The following DAW1 variants were observed in gnomAD, a reference collection of about 807,000 sequenced individuals.
DAW1 encodes the protein dynein assembly factor with WD repeat domains 1.
Under a neutral mutation model 56.5 loss-of-function variants are expected in DAW1, and 47 were observed. The ratio of observed to expected loss-of-function variants is 0.83; its 90% CI spans 0.66 to 1.06. The LOEUF (loss-of-function observed/expected upper bound fraction) is 1.06, where lower values mean the gene tolerates loss of function less well. Among genes scored for constraint, DAW1 ranks in the 50% least tolerant of loss-of-function variants. DAW1 has a pLI of 0.00. For synonymous variants in DAW1, 190 were observed against 179.0 expected, an observed-to-expected ratio of 1.06 and a Z score of -0.49; for missense variants, 505 against 499.3, an observed-to-expected ratio of 1.01 and a Z score of -0.11.
rs774670229 is a variant in DAW1 at position 227,907,255 on chromosome 2, A to G, written c.973+3A>G. ...TATTGCAACTGCTTCAGCTGATGGT[A>G]GGTGATCTGTTCATTCTTTTAATTT... On this transcript the variant is annotated splice_donor_region_variant and intron_variant, in intron 10 of 12. Transcript: ENST00000309931. 1 of 1,608,640 alleles carries G rather than the reference A, an allele frequency of 6.2e-7. No individual in the cohort carries two copies. Among genetic ancestry groups the G allele is most frequent in the Non-Finnish European group, 8.5e-7 (1 of 1,176,332 alleles).
rs767922069 is a variant in DAW1 at position 227,907,264 on chromosome 2, G to A, written c.973+12G>A. ...TGCTTCAGCTGATGGTAGGTGATCTGTTCATTCTTTTAATTTTTGGAGAGA... is the reference window on the plus strand; with the variant it reads ...TGCTTCAGCTGATGGTAGGTGATCTATTCATTCTTTTAATTTTTGGAGAGA... On this transcript the variant is annotated intron_variant, in intron 10 of 12. Transcript: ENST00000309931. The A allele has an allele frequency of 1.4e-5, 22 of 1,597,806 alleles. No individual in the cohort carries two copies. The highest frequency in any genetic ancestry group is 1.9e-5 in the Non-Finnish European group (22 of 1,169,668).
intron 1 of DAW1, among the ~76,000 whole-genome samples, 163 bp downstream of exon 1, chr2:227,871,892 C>T (rs10933219): frequency 0.48 from 73,017 of 152,020 alleles, 17,732 homozygotes; most frequent in Admixed American, 0.58. Flanking sequence ...CCTTCAGATG[C>T]TGGACTCTTC....
At chr2:227,896,118 T>C (rs1368128582) in intron 5 of DAW1, among the ~76,000 whole-genome samples, 4 of 152,340 alleles carry the variant, frequency 2.6e-5, no homozygotes, top group Non-Finnish European at 4.4e-5. Flanking sequence ...TTAAAGTGAT[T>C]AAGCGTTCCA....
chr2:227,901,421 G>A (rs1691542711), intron 6 of DAW1, among the ~76,000 whole-genome samples: 1 of 152,188 alleles, frequency 6.6e-6, no homozygotes, highest in African/African-American at 2.4e-5. Flanking sequence ...GAACTGAGCA[G>A]TGAGGTCTGG....
chr2:227,913,889 G>A (rs201957993), intron 10 of DAW1, among the ~76,000 whole-genome samples: 36,226 of 105,726 alleles, frequency 0.34, 4,989 homozygotes, highest in Middle Eastern at 0.5. Flanking sequence ...CTATCTGTCT[G>A]TCTGTCTGTC....
chr2:227,898,196 C>G lies in DAW1; in HGVS notation c.455C>G (p.Thr152Ser). The part of the protein sequence containing the change: ...FNNPYGDKIA[T>S]GSFDKTCKLW... ...TTAAATCTTAGTGACAAAATCGCCA[C>G]TGGGTCCTTTGATAAAACTTGTAAA... The change falls in exon 6 of 13, where the codon ACT becomes AGT. Residue 152 changes from threonine to serine, a missense_variant. Physicochemically the swap from Thr to Ser is moderately conservative, Grantham distance 58 (BLOSUM62 1). Coordinates refer to ENST00000309931, the MANE Select transcript of DAW1 (RefSeq NM_178821.3). 3.2e-6 allele frequency: 5 copies of G among 1,571,908 alleles called. No individual in the cohort carries two copies. Among genetic ancestry groups the G allele is most frequent in the Non-Finnish European group, 4.3e-6 (5 of 1,156,234 alleles).
In DAW1 at chr2:227,879,177, G is replaced by A. The variant is rs1366781053; in HGVS notation, c.41-6174G>A. 2.0e-5 allele frequency among the ~76,000 whole-genome samples: 3 copies of A among 152,152 alleles called. No homozygotes were observed. In the East Asian group the frequency reaches 5.8e-4, roughly 29 times the overall value. ...ATGAGCCTCATCCCCCTGAAGATGC[G>A]GTCATGCCTTGAAAGGAGCCACCTA... On this transcript the variant is annotated intron_variant, in intron 1 of 12. Transcript: ENST00000309931.
chr2:227,885,268 G>GA, intron 1 of DAW1, 83 bp from the exon 2 acceptor site: 1 of 967,924 alleles, frequency 1.0e-6, no homozygotes, highest in South Asian at 2.3e-5. Flanking sequence ...AATAAAAATG[G>GA]AAAAAACTGT....
chr2:227,889,825 T>A, intron 2 of DAW1, 31 bp from the exon 3 acceptor site: 1 of 1,530,592 alleles, frequency 6.5e-7, no homozygotes. Flanking sequence ...TGACATAAAA[T>A]AAAAGAAACT....
chr2:227,894,172 C>A (rs564938253), intron 5 of DAW1, among the ~76,000 whole-genome samples: 1 of 151,996 alleles, frequency 6.6e-6, no homozygotes, highest in Admixed American at 6.6e-5. Flanking sequence ...GAGGCCGAGG[C>A]GGTGGATCAC....
rs537211210 is a variant in DAW1, at chr2:227,898,461, C to T, written c.540+180C>T. Among the ~76,000 whole-genome samples, 8 of 152,008 alleles carry T rather than the reference C, an allele frequency of 5.3e-5. No individual in the cohort carries two copies. The South Asian group carries it at 1.7e-3, about 32-fold the overall frequency. On this transcript the variant is annotated intron_variant, in intron 6 of 12. Coordinates refer to ENST00000309931, the MANE Select transcript of DAW1 (RefSeq NM_178821.3). ...TCAGCCTCCCGAGTAGCTGGGACTA[C>T]GGGCGCCCGCCACCACGCCCCGCTA...
chr2:227,895,448 T>C (rs1194866601), intron 5 of DAW1: 1 of 152,190 alleles, frequency 6.6e-6, no homozygotes, highest in Non-Finnish European at 1.5e-5. Context: ...AAACAGTAAA[T>C]GATTTAACAA....
intron 10 of DAW1, among the ~76,000 whole-genome samples, chr2:227,910,524 A>ACACACACACACCCC (rs756824641): frequency 4.0e-5 from 6 of 150,084 alleles, no homozygotes; most frequent in African/African-American, 1.2e-4. Flanking sequence ...ACACACACAC[A>ACACACACACACCCC]CCCCTCATAT....
chr2:227,911,104 C>G (rs1275503119), intron 10 of DAW1, among the ~76,000 whole-genome samples: 2 of 151,426 alleles, frequency 1.3e-5, no homozygotes, highest in African/African-American at 4.9e-5. Flanking sequence ...TGAAGCTATA[C>G]TATGTCTCAT....
intron 5 of DAW1, among the ~76,000 whole-genome samples, chr2:227,896,035 T>C (rs1408387430): frequency 6.6e-6 from 1 of 152,212 alleles, no homozygotes; most frequent in East Asian, 1.9e-4. Flanking sequence ...AGGTTGCCAA[T>C]ATAATATCTT....
Position 227,903,124 on chromosome 2 carries a change from TTAA to T in DAW1, c.648+19_648+21del, listed in dbSNP as rs780688722. On this transcript the variant is annotated intron_variant, in intron 7 of 12. Coordinates refer to ENST00000309931, the MANE Select transcript of DAW1 (RefSeq NM_178821.3). ...ACACCTTAAGAGTATGTCAATAATGTTAATAAGCCTGTTATTTGTGTTCATTCT... is the reference window on the plus strand; with the variant it reads ...ACACCTTAAGAGTATGTCAATAATGTTAAGCCTGTTATTTGTGTTCATTCT... The T allele has an allele frequency of 2.5e-4, 408 of 1,606,964 alleles. No individual in the cohort carries two copies. Among genetic ancestry groups the T allele is most frequent in the Middle Eastern group, 4.9e-4 (3 of 6,068 alleles).
Position 227,905,015 on chromosome 2 carries a change from G to T in DAW1, c.735G>T (p.Val245=). 2 of 1,613,148 alleles carry T rather than the reference G, an allele frequency of 1.2e-6. No individual in the cohort carries two copies. The highest frequency in any genetic ancestry group is 1.7e-6 in the Non-Finnish European group (2 of 1,179,418). The change falls in exon 8 of 13, where the codon GTG becomes GTT. Residue 245 remains valine, a synonymous_variant. Transcript: ENST00000309931. ...GGTCTTTTGATCATACCGTTGTAGT[G>T]TGGGACGCTGATACTGGAAGGTAAT... is the stretch of plus-strand genomic sequence containing the variant. ...ITGSFDHTVV[V]WDADTGRKVN...
chr2:227,896,742 A>C lies in DAW1; in HGVS notation c.441-1440A>C, dbSNP rs1291051075. 5.9e-5 allele frequency among the ~76,000 whole-genome samples: 9 copies of C among 152,156 alleles called. 1 individual carries two copies. In the East Asian group the frequency reaches 1.7e-3, roughly 29 times the overall value. ...CAATAAAGTAATTCTCAACACATTG[A>C]CATGAGAGATATCTTCTATAATGTG... On this transcript the variant is annotated intron_variant, in intron 5 of 12. Coordinates refer to ENST00000309931, the MANE Select transcript of DAW1 (RefSeq NM_178821.3).
intron 6 of DAW1, among the ~76,000 whole-genome samples, chr2:227,902,738 T>C (rs1691575582): frequency 6.6e-6 from 1 of 152,190 alleles, no homozygotes; most frequent in Non-Finnish European, 1.5e-5. Context: ...CTTTTGTTCT[T>C]GTTCTTCTGT....
Sources: allele counts gnomAD v4.1 joint callset (sites outside exome capture counted in the v4.1 genomes callset), GRCh38; gene constraint gnomAD v4.1.1; transcripts MANE v1.5; gene names NCBI Gene and HGNC (gene_info 2026-07-23, HGNC 2026-07-21).